CMSS1: variants seen among roughly 807,000 people sequenced by gnomAD.
CMSS1 encodes the protein protein CMSS1.
In CMSS1, 33 loss-of-function variants were observed where a neutral mutation model predicts 43.5. The ratio of observed to expected loss-of-function variants is 0.76; its 90% confidence interval spans 0.57 to 1.01. CMSS1 has a LOEUF of 1.01. Among genes scored for constraint, CMSS1 ranks in the 50% least tolerant of loss-of-function variants. CMSS1 has a pLI of 0.00. For missense variants in CMSS1, 313 were observed against 326.4 expected, an observed-to-expected ratio of 0.96 and a Z score of 0.32; for synonymous variants, 115 against 117.2, an observed-to-expected ratio of 0.98 and a Z score of 0.12.
intron 4 of CMSS1, among the ~76,000 whole-genome samples, chr3:100,164,673 C>G (rs2067051979): frequency 6.6e-6 from 1 of 151,918 alleles, no homozygotes; most frequent in Admixed American, 6.6e-5. Flanking sequence ...ACTGATGAGA[C>G]CAAGGACAGA....
intron 1 of CMSS1, among the ~76,000 whole-genome samples, chr3:99,975,365 G>C (rs1708938644): frequency 6.6e-6 from 1 of 152,178 alleles, no homozygotes; most frequent in Non-Finnish European, 1.5e-5. Flanking sequence ...ACTGACAACA[G>C]ACAGGCAGTG....
chr3:100,085,862 A>G (rs997161994), intron 1 of CMSS1, among the ~76,000 whole-genome samples: 6 of 152,194 alleles, frequency 3.9e-5, no homozygotes, highest in Non-Finnish European at 8.8e-5. Context: ...AGGTGGTTAC[A>G]TTTTCATGAA....
chr3:100,089,418 C>G (rs1026875535), intron 1 of CMSS1, among the ~76,000 whole-genome samples: 2 of 152,152 alleles, frequency 1.3e-5, no homozygotes, highest in African/African-American at 4.8e-5. Context: ...ATTAAATATT[C>G]TTTGTTTTTA....
intron 4 of CMSS1, among the ~76,000 whole-genome samples, chr3:100,165,882 GCATTCTCAACAA>G (rs1363854096): frequency 6.6e-6 from 1 of 152,100 alleles, no homozygotes; most frequent in Non-Finnish European, 1.5e-5. Context: ...CCATCAACTT[GCATTCTCAACAA>G]CACTTGGTAT....
At chr3:99,950,828 C>T (rs549348792) in intron 1 of CMSS1, among the ~76,000 whole-genome samples, 21 of 151,802 alleles carry the variant, frequency 1.4e-4, no homozygotes, top group African/African-American at 4.8e-4. Context: ...ATGTATTTGG[C>T]CCAAGATTAA....
At chr3:100,132,555 C>G (rs376376345) in intron 1 of CMSS1, among the ~76,000 whole-genome samples, 1 of 152,102 alleles carries the variant, frequency 6.6e-6, no homozygotes, top group Admixed American at 6.5e-5. Flanking sequence ...TGCGGTGGCT[C>G]ACGCCTGTAA....
chr3:99,995,141 A>G (rs547622051), intron 1 of CMSS1, among the ~76,000 whole-genome samples: 1 of 152,360 alleles, frequency 6.6e-6, no homozygotes, highest in African/African-American at 2.4e-5. Context: ...ATGAGCCAGT[A>G]AAATCAAAAG....
chr3:99,962,656 G>A (rs1708529285), intron 1 of CMSS1, among the ~76,000 whole-genome samples: 1 of 152,148 alleles, frequency 6.6e-6, no homozygotes, highest in South Asian at 2.1e-4. Flanking sequence ...AACACATATA[G>A]CACTGTAGGC....
intron 4 of CMSS1, among the ~76,000 whole-genome samples, chr3:100,165,994 C>G (rs1159286301): frequency 6.6e-6 from 1 of 152,142 alleles, no homozygotes; most frequent in Admixed American, 6.5e-5. Context: ...TAGTGAGTTT[C>G]AACATGTTTA....
chr3:100,028,790 G>T lies in CMSS1; in HGVS notation c.65-118183G>T, dbSNP rs1348341619. 1.3e-5 allele frequency among the ~76,000 whole-genome samples: 2 copies of T among 152,060 alleles called. 1 individual carries two copies. The highest frequency in any genetic ancestry group is 2.9e-5 in the Non-Finnish European group (2 of 68,028). On this transcript the variant is annotated intron_variant, in intron 1 of 9. Transcript: ENST00000421999. ...AGTTCTTGTTTTCTTAAGAAGAGTTGACTCTGATAAGCTATCACACCAACT... is the reference window on the plus strand; with the variant it reads ...AGTTCTTGTTTTCTTAAGAAGAGTTTACTCTGATAAGCTATCACACCAACT...
intron 1 of CMSS1, among the ~76,000 whole-genome samples, chr3:99,971,085 C>T (rs1053529795): frequency 4.6e-5 from 7 of 152,258 alleles, no homozygotes; most frequent in African/African-American, 1.7e-4. Flanking sequence ...CGCCTGTAAT[C>T]CCAGCACTTT....
intron 1 of CMSS1, among the ~76,000 whole-genome samples, chr3:100,039,425 G>A (rs2065163695): frequency 6.6e-6 from 1 of 152,106 alleles, no homozygotes; most frequent in South Asian, 2.1e-4. Flanking sequence ...ACAGTATAAA[G>A]ATTTCAGTGG....
At chr3:99,956,837 C>T (rs1469773026) in intron 1 of CMSS1, among the ~76,000 whole-genome samples, 1 of 152,168 alleles carries the variant, frequency 6.6e-6, no homozygotes, top group Non-Finnish European at 1.5e-5. Flanking sequence ...GTTTCTCTTC[C>T]ATCTTCACAT....
rs537860126 is a variant in CMSS1 at position 99,890,711 on chromosome 3, A to G, written c.64+72668A>G. ...TCTATAGTCTTTTACTTTTTAAACT[A>G]GAAATACCAATCCGCTGTTTTTTTT... On this transcript the variant is annotated intron_variant, in intron 1 of 9. Transcript: ENST00000421999. Among the ~76,000 whole-genome samples, 7 of 151,680 alleles carry G rather than the reference A, an allele frequency of 4.6e-5. No individual in the cohort carries two copies. The East Asian group carries it at 1.3e-3, about 29-fold the overall frequency.
At chr3:99,984,685 A>C (rs1709278529) in intron 1 of CMSS1, among the ~76,000 whole-genome samples, 1 of 152,190 alleles carries the variant, frequency 6.6e-6, no homozygotes, top group African/African-American at 2.4e-5. Flanking sequence ...TACTTTGGCT[A>C]CTGTGGGGGA....
chr3:99,983,391 T>TAAATATATATATAA (rs1249848576), intron 1 of CMSS1, among the ~76,000 whole-genome samples: 1 of 16,090 alleles, frequency 6.2e-5, no homozygotes, highest in African/African-American at 9.8e-5. Flanking sequence ...AATAAATAAA[T>TAAATATATATATAA]ATATATATAT....
chr3:100,094,770 G>A (rs769667379), intron 1 of CMSS1, among the ~76,000 whole-genome samples: 39 of 135,356 alleles, frequency 2.9e-4, no homozygotes, highest in Non-Finnish European at 4.3e-4. Context: ...GGCAAGCTCT[G>A]CCTCCCGGGT....
At position 99,968,646 on chromosome 3, in the gene CMSS1, A is replaced by G. The variant is rs1708725890; in HGVS notation, c.64+150603A>G. 3.9e-5 allele frequency among the ~76,000 whole-genome samples: 6 copies of G among 152,220 alleles called. 1 individual carries two copies. Among genetic ancestry groups the G allele is most frequent in the Admixed American group, 3.9e-4 (6 of 15,286 alleles). On this transcript the variant is annotated intron_variant, in intron 1 of 9. Coordinates refer to ENST00000421999, the MANE Select transcript of CMSS1 (RefSeq NM_032359.4). ...ATTACCATGGGTGAAGCCTTGAGTA[A>G]TACAGACATTTAAGAAGCAAACAAA...
chr3:100,156,299 CTTTTTTTTTTTTT>C (rs34413816), intron 2 of CMSS1, among the ~76,000 whole-genome samples: 3 of 73,116 alleles, frequency 4.1e-5, no homozygotes, highest in African/African-American at 1.1e-4. Context: ...AATTTTTTTT[CTTTTTTTTTTTTT>C]TTTTTTTTTT....
Sources: gnomAD v4.1 joint callset for allele counts (sites outside exome capture counted in the v4.1 genomes callset) on GRCh38, gnomAD v4.1.1 for gene constraint, MANE v1.5 for transcripts, NCBI Gene and HGNC (gene_info 2026-07-23, HGNC 2026-07-21) for gene names.